PLXNA2: variants seen among roughly 807,000 people sequenced by gnomAD.
PLXNA2 encodes plexin A2.
Under a neutral mutation model 193.5 loss-of-function variants are expected in PLXNA2, and 91 were observed. The ratio of observed to expected loss-of-function variants is 0.47; its 90% CI spans 0.40 to 0.56. PLXNA2 has a LOEUF of 0.56. Among genes scored for constraint, PLXNA2 ranks in the 20% least tolerant of loss-of-function variants. The pLI, the probability that PLXNA2 is intolerant of heterozygous loss-of-function variation, is 0.00. For missense variants in PLXNA2, 1,995 were observed against 2,503.2 expected, an observed-to-expected ratio of 0.80 and a Z score of 4.33; for synonymous variants, 997 against 1,027.3, an observed-to-expected ratio of 0.97 and a Z score of 0.56.
At chr1:208,124,346 G>C (rs983915144) in intron 4 of PLXNA2, among the ~76,000 whole-genome samples, 1 of 152,076 alleles carries the variant, frequency 6.6e-6, no homozygotes, top group Non-Finnish European at 1.5e-5. Context: ...TAACAAACCT[G>C]CATATGTACC....
intron 2 of PLXNA2, among the ~76,000 whole-genome samples, chr1:208,213,771 G>A (rs974192520): frequency 6.6e-6 from 1 of 152,192 alleles, no homozygotes; most frequent in Non-Finnish European, 1.5e-5. Context: ...TCTTTAAGGG[G>A]CCATTCCTCT....
chr1:208,209,340 T>G (rs1558245387), intron 3 of PLXNA2, among the ~76,000 whole-genome samples: 2 of 152,162 alleles, frequency 1.3e-5, no homozygotes, highest in Non-Finnish European at 2.9e-5. Flanking sequence ...AGGCTCTAAA[T>G]GGATTAGGAG....
At chr1:208,030,082 C>G (rs977802550) in intron 29 of PLXNA2, 2 of 985,364 alleles carry the variant, frequency 2.0e-6, no homozygotes, top group Non-Finnish European at 2.4e-6. Flanking sequence ...TCTGCTTTAC[C>G]CAGCCTCAAG....
intron 3 of PLXNA2, among the ~76,000 whole-genome samples, chr1:208,188,237 T>A (rs1195449837): frequency 6.6e-6 from 1 of 152,136 alleles, no homozygotes; most frequent in East Asian, 1.9e-4. Flanking sequence ...AGAGATTACA[T>A]GTCACGAGGT....
chr1:208,200,936 A>T (rs1439587030), intron 3 of PLXNA2, among the ~76,000 whole-genome samples: 1 of 152,132 alleles, frequency 6.6e-6, no homozygotes, highest in Non-Finnish European at 1.5e-5. Flanking sequence ...TGAAAATTAT[A>T]TGGGACTAAT....
Position 208,025,467 on chromosome 1 carries a change from T to C in PLXNA2, c.*1776A>G, listed in dbSNP as rs1664315315. On this transcript the variant is annotated 3_prime_UTR_variant, in exon 32 of 32. Coordinates refer to ENST00000367033, the MANE Select transcript of PLXNA2 (RefSeq NM_025179.4). ...GCTTCCCAGCATCATAGCCTAGGAT[T>C]CCTGACCCTTTGAAAAGTGAGGAAG... The C allele has an allele frequency of 6.6e-6, 1 of 152,338 alleles. No homozygotes were observed. The highest frequency in any genetic ancestry group is 2.4e-5 in the African/African-American group (1 of 41,458). The allele number at this position is 152,338 out of a possible 1,614,324, so 9.4% of individuals were successfully genotyped here. A position where few individuals can be genotyped will look rare whatever the true frequency, so the allele number is the denominator to read the frequency against.
At chr1:208,102,881 A>C (rs915524134) in intron 5 of PLXNA2, among the ~76,000 whole-genome samples, 1 of 152,230 alleles carries the variant, frequency 6.6e-6, no homozygotes, top group Non-Finnish European at 1.5e-5. Flanking sequence ...CAAAGACACA[A>C]GGATATAAGC....
At chr1:208,029,073 T>C in intron 29 of PLXNA2, 31 bp from the exon 30 acceptor site, 1 of 1,613,170 alleles carries the variant, frequency 6.2e-7, no homozygotes, top group South Asian at 1.1e-5. Context: ...GACTTGAGAA[T>C]GCATGCGGGC....
chr1:208,137,239 C>G (rs998405324), intron 4 of PLXNA2, among the ~76,000 whole-genome samples: 1 of 152,216 alleles, frequency 6.6e-6, no homozygotes, highest in Non-Finnish European at 1.5e-5. Context: ...CTGTGACTCC[C>G]TTTTTCCATT....
At chr1:208,132,712 CTGA>C (rs1247535860) in intron 4 of PLXNA2, among the ~76,000 whole-genome samples, 2 of 152,172 alleles carry the variant, frequency 1.3e-5, no homozygotes, top group Non-Finnish European at 1.5e-5. Flanking sequence ...AGGGCTTGGC[CTGA>C]TGATGATGTA....
At chr1:208,115,236 T>G (rs1407865570) in intron 4 of PLXNA2, among the ~76,000 whole-genome samples, 1 of 152,184 alleles carries the variant, frequency 6.6e-6, no homozygotes, top group Non-Finnish European at 1.5e-5. Context: ...TCTGATATAT[T>G]TGATTTATCA....
intron 15 of PLXNA2, 141 bp from the exon 16 acceptor site, chr1:208,051,564 A>G (rs1665262561): frequency 3.1e-6 from 2 of 644,168 alleles, no homozygotes; most frequent in Admixed American, 6.6e-5. Context: ...ACAACAATGG[A>G]ACACATCCCG....
In PLXNA2 at chr1:208,022,478, T is replaced by C. The variant is rs937611521; in HGVS notation, c.*4765A>G. The C allele has an allele frequency of 5.2e-5, 8 of 152,646 alleles. No individual in the cohort carries two copies. The highest frequency in any genetic ancestry group is 1.4e-4 in the African/African-American group (6 of 41,460). 9.5% of individuals were successfully genotyped at this position (152,646 alleles called of 1,614,324 possible). A position where few individuals can be genotyped will look rare whatever the true frequency, so the allele number is the denominator to read the frequency against. On this transcript the variant is annotated 3_prime_UTR_variant, in exon 32 of 32. Transcript: ENST00000367033. ...CAACAAAACCAGACAACCATCATTG[T>C]ATTTTCTTAAAAATATATATAATAC...
At chr1:208,077,707 G>T (rs898358456) in intron 12 of PLXNA2, among the ~76,000 whole-genome samples, 12 of 152,208 alleles carry the variant, frequency 7.9e-5, no homozygotes, top group Admixed American at 4.6e-4. Flanking sequence ...TGAGGGCAGA[G>T]GCTGGGGCAC....
At chr1:208,075,935 G>A (rs1666132064) in intron 12 of PLXNA2, among the ~76,000 whole-genome samples, 1 of 151,860 alleles carries the variant, frequency 6.6e-6, no homozygotes, top group East Asian at 2.0e-4. Flanking sequence ...GTGCATGCCT[G>A]TTGTCCCAGC....
Position 208,027,121 on chromosome 1 carries a change from G to A in PLXNA2, c.*122C>T. 1 of 886,842 alleles carries A rather than the reference G, an allele frequency of 1.1e-6. No homozygotes were observed. Among genetic ancestry groups the A allele is most frequent in the Non-Finnish European group, 1.8e-6 (1 of 558,158 alleles). The allele number at this position is 886,842 out of a possible 1,614,324, so 54.9% of individuals were successfully genotyped here. A position where few individuals can be genotyped will look rare whatever the true frequency, so the allele number is the denominator to read the frequency against. ...GAGAGGAGTCCTCCCCTCTCCCCAG[G>A]ATGGGGTCTCAGGGGACAGCAAGCT... On this transcript the variant is annotated 3_prime_UTR_variant, in exon 32 of 32. Transcript: ENST00000367033.
intron 3 of PLXNA2, among the ~76,000 whole-genome samples, chr1:208,171,149 G>A (rs1230211807): frequency 2.0e-5 from 3 of 152,198 alleles, no homozygotes. Flanking sequence ...ATAAACTTGG[G>A]AAGAGGCAAG....
chr1:208,164,875 C>T (rs1224166571), intron 3 of PLXNA2, among the ~76,000 whole-genome samples: 1 of 152,172 alleles, frequency 6.6e-6, no homozygotes, highest in Non-Finnish European at 1.5e-5. Flanking sequence ...GTCTGCAGAT[C>T]GGCAAAGCTG....
intron 3 of PLXNA2, among the ~76,000 whole-genome samples, chr1:208,179,192 G>A (rs1031338519): frequency 2.6e-5 from 4 of 152,172 alleles, no homozygotes; most frequent in Non-Finnish European, 4.4e-5. Flanking sequence ...AAAGCCCAGA[G>A]GAAGCCTAAG....
Sources: allele counts gnomAD v4.1 joint callset (sites outside exome capture counted in the v4.1 genomes callset), GRCh38; gene constraint gnomAD v4.1.1; transcripts MANE v1.5; gene names NCBI Gene and HGNC (gene_info 2026-07-23, HGNC 2026-07-21).